Variants in C2orf66 observed in about 807,000 individuals in gnomAD.
C2orf66 encodes the protein uncharacterized protein C2orf66.
A neutral mutation model predicts 7.0 loss-of-function variants in C2orf66; 6 were observed. The ratio of observed to expected loss-of-function variants is 0.86; its 90% CI spans 0.47 to 1.69. The LOEUF is 1.69. C2orf66 is among the 40% of genes most tolerant of loss of function. The pLI is 0.01. For synonymous variants in C2orf66, 38 were observed against 43.8 expected (o/e 0.87, Z 0.52); for missense variants, 107 against 112.0 (o/e 0.96, Z 0.20).
chr2:196,814,640 A>C, the C2orf66 span, among the ~76,000 whole-genome samples: 8 of 152,210 alleles, frequency 5.3e-5, no homozygotes, highest in Non-Finnish European at 1.5e-5. Flanking sequence ...TAAACTCCTT[A>C]GACAATGCCC....
upstream of C2orf66, among the ~76,000 whole-genome samples, chr2:196,812,017 A>G (rs1699881248): frequency 6.6e-6 from 1 of 152,188 alleles, no homozygotes; most frequent in Non-Finnish European, 1.5e-5. Context: ...AAGGGACTGG[A>G]TGGAGAGGAA....
At chr2:196,815,811 C>CT in the C2orf66 span, among the ~76,000 whole-genome samples, 1 of 152,272 alleles carries the variant, frequency 6.6e-6, no homozygotes, top group Non-Finnish European at 1.5e-5. Flanking sequence ...CTTCTTGTCT[C>CT]TTTTAAGGAA....
the C2orf66 span, among the ~76,000 whole-genome samples, chr2:196,827,193 C>A: frequency 1.1e-4 from 16 of 143,820 alleles, no homozygotes; most frequent in African/African-American, 3.9e-4. Flanking sequence ...GAGCCATGAT[C>A]GTGCCACTGT....
chr2:196,822,181 G>A, the C2orf66 span, among the ~76,000 whole-genome samples: 1 of 151,638 alleles, frequency 6.6e-6, no homozygotes, highest in African/African-American at 2.4e-5. Context: ...CCAAAGTGCT[G>A]GGATTACAGG....
At chr2:196,812,446 G>A (rs1699885847), upstream of C2orf66, among the ~76,000 whole-genome samples, 1 of 152,082 alleles carries the variant, frequency 6.6e-6, no homozygotes, top group Non-Finnish European at 1.5e-5. Flanking sequence ...AATAATAAGA[G>A]CTATTTATCA....
chr2:196,830,654 G>A, the C2orf66 span, among the ~76,000 whole-genome samples: 4 of 152,216 alleles, frequency 2.6e-5, no homozygotes, highest in African/African-American at 9.6e-5. Context: ...GAACATGCTA[G>A]ATGCCTGCTG....
chr2:196,809,373 G>A (rs1215951435), upstream of C2orf66: 1 of 1,611,978 alleles, frequency 6.2e-7, no homozygotes, highest in South Asian at 1.1e-5. Context: ...GGATGCGGGA[G>A]CTGTCAATGA....
chr2:196,815,977 G>T, the C2orf66 span, among the ~76,000 whole-genome samples: 2 of 152,198 alleles, frequency 1.3e-5, no homozygotes, highest in Admixed American at 6.5e-5. Flanking sequence ...TAAGGGAAAG[G>T]TTGCTCATAT....
At chr2:196,806,099 T>C (rs1699817113) in intron 2 of C2orf66, among the ~76,000 whole-genome samples, 1 of 152,168 alleles carries the variant, frequency 6.6e-6, no homozygotes, top group African/African-American at 2.4e-5. Flanking sequence ...TGTGGGAGAA[T>C]GGGAAAAGAT....
At chr2:196,809,106 C>T in intron 1 of C2orf66, 108 bp downstream of exon 1, 2 of 1,220,032 alleles carry the variant, frequency 1.6e-6, no homozygotes, top group South Asian at 1.8e-5. Flanking sequence ...TTTTCTCAAC[C>T]CTTGGTAGCC....
chr2:196,813,509 T>C (rs192554454), upstream of C2orf66, among the ~76,000 whole-genome samples: 16 of 152,240 alleles, frequency 1.1e-4, no homozygotes, highest in African/African-American at 2.2e-4. Flanking sequence ...ATTCAGGACA[T>C]AGGCATGGGC....
the C2orf66 span, among the ~76,000 whole-genome samples, chr2:196,817,533 C>A: frequency 6.6e-6 from 1 of 152,206 alleles, no homozygotes; most frequent in South Asian, 2.1e-4. Context: ...CCGCACCTGG[C>A]CGCACGTATT....
chr2:196,812,471 A>G (rs1347454932), upstream of C2orf66, among the ~76,000 whole-genome samples: 4 of 152,330 alleles, frequency 2.6e-5, no homozygotes, highest in African/African-American at 9.6e-5. Context: ...CCCGCAGTCA[A>G]TAACATATTG....
At chr2:196,823,522 G>T in the C2orf66 span, among the ~76,000 whole-genome samples, 39 of 152,140 alleles carry the variant, frequency 2.6e-4, no homozygotes, top group Middle Eastern at 3.4e-3. Flanking sequence ...TACTTGGGGG[G>T]GCTGAGGCAG....
At chr2:196,817,976 C>T in the C2orf66 span, among the ~76,000 whole-genome samples, 2 of 152,182 alleles carry the variant, frequency 1.3e-5, no homozygotes, top group Non-Finnish European at 1.5e-5. Flanking sequence ...TCATGTTTTA[C>T]AGTCAATTTG....
At chr2:196,810,002 C>T (rs534275867), upstream of C2orf66, 114 of 152,320 alleles carry the variant, frequency 7.5e-4, no homozygotes, top group African/African-American at 2.7e-3. Flanking sequence ...GATTGGGTGC[C>T]AGTGGAAGTC....
the C2orf66 span, among the ~76,000 whole-genome samples, chr2:196,829,685 C>A: frequency 6.6e-6 from 1 of 151,756 alleles, no homozygotes; most frequent in African/African-American, 2.4e-5. Flanking sequence ...ATCACGAGGT[C>A]TGGAGATAAA....
chr2:196,806,444 G>A (rs1312304730), intron 2 of C2orf66, among the ~76,000 whole-genome samples: 7 of 151,848 alleles, frequency 4.6e-5, no homozygotes, highest in South Asian at 2.1e-4. Flanking sequence ...TGATCCTCCC[G>A]CCTCAGCCTC....
Position 196,809,232 on chromosome 2 carries a change from G to A in C2orf66, c.105C>T (p.Asn35=). Residue 35 remains asparagine, a synonymous_variant, in exon 1 of 3, where the codon AAC becomes AAT. Coordinates refer to ENST00000342506, the MANE Select transcript of C2orf66 (RefSeq NM_213608.3). ...RNEDKWKPLN[N]PRNRDLFFRR... is the part of the protein sequence containing the mutation. The stretch of plus-strand genomic sequence containing the variant: ...TTCTTACCAGATCTCTGTTTCTGGG[G>A]TTGTTGAGTGGCTTCCATTTGTCCT... 1 of 1,614,012 alleles carries A rather than the reference G, an allele frequency of 6.2e-7. No individual in the cohort carries two copies. Among genetic ancestry groups the A allele is most frequent in the Non-Finnish European group, 8.5e-7 (1 of 1,179,936 alleles).
Sources: gnomAD v4.1 joint callset for allele counts (sites outside exome capture counted in the v4.1 genomes callset) on GRCh38, gnomAD v4.1.1 for gene constraint, MANE v1.5 for transcripts, NCBI Gene and HGNC (gene_info 2026-07-23, HGNC 2026-07-21) for gene names.